SHTN1: variants seen among roughly 807,000 people sequenced by gnomAD.
SHTN1 encodes shootin 1.
In SHTN1, 42 loss-of-function variants were observed where a neutral mutation model predicts 83.1. That is an observed-to-expected ratio of 0.51 (90% CI 0.39 to 0.65). The LOEUF (loss-of-function observed/expected upper bound fraction) is 0.65, where lower values mean the gene tolerates loss of function less well. SHTN1 is among the 30% of genes least tolerant of loss of function. The pLI, the probability that SHTN1 is intolerant of heterozygous loss-of-function variation, is 0.00. For missense variants in SHTN1, 622 were observed against 737.8 expected, an observed-to-expected ratio of 0.84 and a Z score of 1.82; for synonymous variants, 224 against 247.7, an observed-to-expected ratio of 0.90 and a Z score of 0.90.
chr10:117,074,046 C>T (rs10787755), intron 1 of SHTN1, among the ~76,000 whole-genome samples: 147,765 of 152,266 alleles, frequency 0.97, 71,859 homozygotes, highest in Non-Finnish European at 1. Context: ...AAATGCTATA[C>T]GTTAAGTCCC....
intron 1 of SHTN1, among the ~76,000 whole-genome samples, chr10:116,998,298 C>T (rs1012092738): frequency 2.0e-5 from 3 of 152,288 alleles, no homozygotes; most frequent in South Asian, 2.1e-4. Context: ...TTCTTTCCAT[C>T]GGCTCTTGTG....
At chr10:116,990,361 T>A (rs901373890) in intron 1 of SHTN1, among the ~76,000 whole-genome samples, 21 of 151,142 alleles carry the variant, frequency 1.4e-4, no homozygotes, top group Admixed American at 2.6e-4. Flanking sequence ...CACCTTGTTG[T>A]ATGTTTTGAG....
Position 117,120,811 on chromosome 10 carries a change from A to ATT in SHTN1, c.-189+5494_-189+5495dup, listed in dbSNP as rs71013645. 2.0e-3 allele frequency among the ~76,000 whole-genome samples: 285 copies of ATT among 141,516 alleles called. 2 individuals carry two copies. The highest frequency in any genetic ancestry group is 3.8e-3 in the Middle Eastern group (1 of 266). 92.8% of individuals were successfully genotyped at this position (141,516 alleles called of 152,430 possible). On this transcript the variant is annotated intron_variant, in intron 1 of 17. Coordinates refer to the SHTN1 transcript ENST00000392901. ...TAGATATCCCAAGTACACTGATTTG[A>ATT]TTTTTTTTTTTTTTTTGAGACAGAG...
At chr10:116,997,096 C>A (rs900798957) in intron 1 of SHTN1, among the ~76,000 whole-genome samples, 1 of 152,212 alleles carries the variant, frequency 6.6e-6, no homozygotes, top group Non-Finnish European at 1.5e-5. Flanking sequence ...ATCTTCTCCC[C>A]ATTTCCCACC....
At chr10:117,009,593 G>A (rs1852071576), upstream of SHTN1, among the ~76,000 whole-genome samples, 1 of 152,040 alleles carries the variant, frequency 6.6e-6, no homozygotes, top group South Asian at 2.1e-4. Flanking sequence ...GATTCGGTAA[G>A]AATATATAAT....
intron 1 of SHTN1, among the ~76,000 whole-genome samples, chr10:116,998,361 TCA>T (rs1212937852): frequency 1.3e-5 from 2 of 152,192 alleles, no homozygotes; most frequent in Non-Finnish European, 1.5e-5. Flanking sequence ...CTTCAGGGTT[TCA>T]GTTACCCATG....
intron 10 of SHTN1, among the ~76,000 whole-genome samples, chr10:116,929,635 C>T (rs1272013708): frequency 2.0e-5 from 3 of 152,004 alleles, no homozygotes; most frequent in Non-Finnish European, 4.4e-5. Flanking sequence ...GCTCTAAGTC[C>T]AAAAAATTAG....
intron 1 of SHTN1, among the ~76,000 whole-genome samples, chr10:117,093,714 T>C (rs1400087039): frequency 4.6e-5 from 7 of 152,134 alleles, no homozygotes; most frequent in Admixed American, 6.5e-5. Context: ...TAGGAAACAA[T>C]TGTGGACAAT....
rs1275725352 is a variant in SHTN1, at chr10:117,056,291, G to C, written c.-188-7781C>G. 2.0e-5 allele frequency among the ~76,000 whole-genome samples: 3 copies of C among 152,098 alleles called. No homozygotes were observed. In the East Asian group the frequency reaches 5.8e-4, roughly 29 times the overall value. On this transcript the variant is annotated intron_variant, in intron 1 of 17. Coordinates refer to the SHTN1 transcript ENST00000392901. ...AATTACAGATCAATATTTTTCATCA[G>C]TATAGACATAACAATCCTCAACAAA... is the stretch of plus-strand genomic sequence containing the variant.
intron 2 of SHTN1, among the ~76,000 whole-genome samples, chr10:117,014,351 C>A (rs960415859): frequency 1.3e-5 from 2 of 152,104 alleles, no homozygotes; most frequent in African/African-American, 4.8e-5. Flanking sequence ...CAGAAAATGA[C>A]AAATAAATCG....
At chr10:116,925,830 C>A (rs967978765) in intron 11 of SHTN1, among the ~76,000 whole-genome samples, 1 of 152,112 alleles carries the variant, frequency 6.6e-6, no homozygotes, top group Non-Finnish European at 1.5e-5. Flanking sequence ...ACTTAAGCTA[C>A]AGGCCCTAGT....
At chr10:117,018,851 G>C (rs556012193) in intron 2 of SHTN1, among the ~76,000 whole-genome samples, 5 of 151,926 alleles carry the variant, frequency 3.3e-5, no homozygotes, top group Non-Finnish European at 5.9e-5. Flanking sequence ...GATTACAGGC[G>C]TGAGCCACTG....
At chr10:117,028,678 T>C (rs1352939177) in intron 2 of SHTN1, among the ~76,000 whole-genome samples, 1 of 152,142 alleles carries the variant, frequency 6.6e-6, no homozygotes, top group Non-Finnish European at 1.5e-5. Flanking sequence ...GCCACTGCTT[T>C]AGACGGTGGA....
intron 3 of SHTN1, among the ~76,000 whole-genome samples, chr10:116,962,886 C>T (rs12262024): frequency 2.6e-5 from 4 of 151,900 alleles, no homozygotes; most frequent in Admixed American, 6.6e-5. Context: ...TACCAATGTT[C>T]TAGGTTCATA....
intron 1 of SHTN1, among the ~76,000 whole-genome samples, chr10:117,056,208 C>T (rs1852824825): frequency 6.6e-6 from 1 of 152,144 alleles, no homozygotes; most frequent in African/African-American, 2.4e-5. Flanking sequence ...CACTTACCAA[C>T]TCAATGTATG....
At chr10:116,928,033 A>G in intron 10 of SHTN1, 142 bp from the exon 11 acceptor site, 1 of 895,150 alleles carries the variant, frequency 1.1e-6, no homozygotes. Context: ...ATGAAATTAC[A>G]GACCTTTTTA....
chr10:117,115,838 C>T lies in SHTN1; in HGVS notation c.-189+10469G>A, dbSNP rs541826237. 2.0e-5 allele frequency among the ~76,000 whole-genome samples: 3 copies of T among 152,284 alleles called. No homozygotes were observed. The South Asian group carries it at 6.2e-4, about 32-fold the overall frequency. ...TGAACACATTATTTCATTTAATCCTCTCAATAGCTCTACAGACAACTTAGT... is the reference window on the plus strand; with the variant it reads ...TGAACACATTATTTCATTTAATCCTTTCAATAGCTCTACAGACAACTTAGT... On this transcript the variant is annotated intron_variant, in intron 1 of 17. Transcript: ENST00000392901.
intron 15 of SHTN1, among the ~76,000 whole-genome samples, chr10:116,902,695 T>C (rs1938785301): frequency 6.6e-6 from 1 of 152,240 alleles, no homozygotes; most frequent in Non-Finnish European, 1.5e-5. Flanking sequence ...ATGATTCTAG[T>C]AAGTGCTTCT....
At position 116,882,469 on chromosome 10, in the gene SHTN1, T is replaced by C. The variant is rs557574439; in HGVS notation, c.*3875A>G. 3 of 150,180 alleles carry C rather than the reference T, an allele frequency of 2.0e-5. No individual in the cohort carries two copies. In the East Asian group the frequency reaches 5.8e-4, roughly 29 times the overall value. The allele number at this position is 150,180 out of a possible 1,614,324, so 9.3% of individuals were successfully genotyped here. A position where few individuals can be genotyped will look rare whatever the true frequency, so the allele number is the denominator to read the frequency against. ...GCTCTTTTGTAAGCCAGTGTTGGGA[T>C]TATAGCAGAGGAGTAGCAGAAATAA... On this transcript the variant is annotated 3_prime_UTR_variant, in exon 17 of 17. Coordinates refer to ENST00000355371, the MANE Select transcript of SHTN1 (RefSeq NM_001127211.3).
Sources: allele counts gnomAD v4.1 joint callset (sites outside exome capture counted in the v4.1 genomes callset), GRCh38; gene constraint gnomAD v4.1.1; transcripts MANE v1.5; gene names NCBI Gene and HGNC (gene_info 2026-07-23, HGNC 2026-07-21).